Variants in FGF13 observed in about 807,000 individuals in gnomAD.
The protein encoded by FGF13 is fibroblast growth factor 13.
In FGF13, 2 loss-of-function variants were observed where a neutral mutation model predicts 19.5. The ratio of observed to expected loss-of-function variants is 0.10; its 90% CI spans 0.04 to 0.32. The LOEUF is 0.32. Among genes scored for constraint, FGF13 ranks in the 10% least tolerant of loss-of-function variants. FGF13 has a pLI of 1.00. For missense variants in FGF13, 113 were observed against 192.7 expected (o/e 0.59, Z 2.45); for synonymous variants, 72 against 76.9 (o/e 0.94, Z 0.33).
intron 1 of FGF13, among the ~76,000 whole-genome samples, chrX:139,136,055 T>A (rs1015619844): frequency 8.9e-6 from 1 of 111,956 alleles, no homozygotes; most frequent in African/African-American, 3.2e-5. Context: ...ATTTAACAAG[T>A]GTTAACTCTT....
intron 1 of FGF13, among the ~76,000 whole-genome samples, chrX:138,865,484 C>G (rs1178117303): frequency 3.1e-5 from 3 of 97,063 alleles, no homozygotes; most frequent in Non-Finnish European, 6.3e-5. Context: ...CTCTCTCTCT[C>G]TCCTCTCTCT....
intron 1 of FGF13, among the ~76,000 whole-genome samples, chrX:138,992,519 T>C (rs2092021213): frequency 9.0e-6 from 1 of 111,111 alleles, no homozygotes; most frequent in African/African-American, 3.3e-5. Context: ...GAGTTCATTA[T>C]TTTATATAGC....
intron 1 of FGF13, among the ~76,000 whole-genome samples, chrX:139,075,805 T>A (rs1055688618): frequency 1.9e-5 from 2 of 104,841 alleles, no homozygotes; most frequent in Non-Finnish European, 3.9e-5. Context: ...GCAAATTGTG[T>A]GTATGTGTGT....
At chrX:138,908,511 T>A (rs924451050) in intron 1 of FGF13, among the ~76,000 whole-genome samples, 1 of 110,346 alleles carries the variant, frequency 9.1e-6, no homozygotes, top group African/African-American at 3.3e-5. Flanking sequence ...CCAGGTACAG[T>A]CCCTTTTGAG....
At chrX:138,960,655 G>A (rs760424042) in intron 1 of FGF13, among the ~76,000 whole-genome samples, 14 of 111,778 alleles carry the variant, frequency 1.3e-4, no homozygotes, top group African/African-American at 3.9e-4. Flanking sequence ...CCAATCAAAC[G>A]TAGATTTGGT....
At chrX:139,059,577 G>A (rs1450378699) in intron 1 of FGF13, among the ~76,000 whole-genome samples, 1 of 111,550 alleles carries the variant, frequency 9.0e-6, no homozygotes, top group Admixed American at 9.5e-5. Context: ...TCGGTTTTGT[G>A]GGGCCCAATA....
At chrX:138,962,638 A>T (rs2091877535) in intron 1 of FGF13, among the ~76,000 whole-genome samples, 1 of 112,489 alleles carries the variant, frequency 8.9e-6, no homozygotes, top group Non-Finnish European at 1.9e-5. Context: ...AATGTGGCAC[A>T]TATACACCAA....
At chrX:138,817,889 C>A (rs1474040524) in intron 3 of FGF13, among the ~76,000 whole-genome samples, 3 of 111,855 alleles carry the variant, frequency 2.7e-5, no homozygotes, top group Non-Finnish European at 5.6e-5. Context: ...TGCAACTGCT[C>A]AATTCTGTTG....
At chrX:138,996,573 A>G (rs1030984958) in intron 1 of FGF13, among the ~76,000 whole-genome samples, 1 of 112,688 alleles carries the variant, frequency 8.9e-6, no homozygotes, top group African/African-American at 3.2e-5. Context: ...GCTGCTGGGA[A>G]GTTCAAACTG....
chrX:138,883,516 G>A (rs1272215473), intron 1 of FGF13, among the ~76,000 whole-genome samples: 2 of 111,511 alleles, frequency 1.8e-5, no homozygotes, highest in Non-Finnish European at 3.8e-5. Context: ...ACCACGAAGC[G>A]GAGGTATAGA....
chrX:138,988,121 T>C (rs2092000952), intron 1 of FGF13, among the ~76,000 whole-genome samples: 1 of 111,410 alleles, frequency 9.0e-6, no homozygotes. Flanking sequence ...GTGGACTCTT[T>C]TACATCTACA....
At chrX:138,650,810 A>C (rs1221175321) in intron 3 of FGF13, among the ~76,000 whole-genome samples, 5 of 111,760 alleles carry the variant, frequency 4.5e-5, no homozygotes, top group Non-Finnish European at 9.4e-5. Flanking sequence ...AATAAATTAT[A>C]GTTAACCATA....
rs182938904 is a variant in FGF13 at position 138,627,675 on chromosome X, A to T, written c.*5175T>A. The T allele has an allele frequency of 9.2e-6, 1 of 108,461 alleles. No homozygotes were observed. Among genetic ancestry groups the T allele is most frequent in the Non-Finnish European group, 1.9e-5 (1 of 52,449 alleles). 8.9% of individuals were successfully genotyped at this position (108,461 alleles called of 1,213,427 possible). On this transcript the variant is annotated 3_prime_UTR_variant, in exon 5 of 5. Transcript: ENST00000315930. ...TGAAGTGTTTGTACAAAAGAGAAAT[A>T]GGCAGTGTTTGTAACAAAAACTAAT...
At chrX:138,915,592 G>T (rs1271957846) in intron 1 of FGF13, among the ~76,000 whole-genome samples, 1 of 111,669 alleles carries the variant, frequency 9.0e-6, no homozygotes, top group Non-Finnish European at 1.9e-5. Context: ...GCTTCAACAG[G>T]TATTTGTGTC....
At chrX:138,854,588 G>T (rs979459925), downstream of FGF13, among the ~76,000 whole-genome samples, 3 of 111,895 alleles carry the variant, frequency 2.7e-5, no homozygotes, top group African/African-American at 9.7e-5. Flanking sequence ...AATTAAAAAA[G>T]AGTTGGGTAA....
intron 3 of FGF13, among the ~76,000 whole-genome samples, chrX:138,827,715 A>G (rs2091043520): frequency 2.7e-5 from 3 of 111,981 alleles, no homozygotes; most frequent in Admixed American, 1.9e-4. Context: ...TTACATGTCA[A>G]TGACTGTATA....
At chrX:138,986,276 T>C (rs1484262170) in intron 1 of FGF13, among the ~76,000 whole-genome samples, 1 of 112,255 alleles carries the variant, frequency 8.9e-6, no homozygotes, top group Non-Finnish European at 1.9e-5. Flanking sequence ...TCCATCTCCA[T>C]GTCTGATCAT....
chrX:138,628,872 T>C lies in FGF13; in HGVS notation c.*3978A>G, dbSNP rs1187140072. On this transcript the variant is annotated 3_prime_UTR_variant, in exon 5 of 5. Transcript: ENST00000315930. ...TAAGGATTCCATGGCAATGAGCATG[T>C]CCTCTCTTTGGATACAAACAAAACT... is the stretch of plus-strand genomic sequence containing the variant. 2 of 112,051 alleles carry C rather than the reference T, an allele frequency of 1.8e-5. No individual in the cohort carries two copies. The highest frequency in any genetic ancestry group is 6.5e-5 in the African/African-American group (2 of 30,810). 9.2% of individuals were successfully genotyped at this position (112,051 alleles called of 1,213,427 possible). A position where few individuals can be genotyped will look rare whatever the true frequency, so the allele number is the denominator to read the frequency against.
chrX:138,893,712 T>G (rs1164588056), intron 1 of FGF13, among the ~76,000 whole-genome samples: 1 of 111,757 alleles, frequency 8.9e-6, no homozygotes, highest in Non-Finnish European at 1.9e-5. Context: ...GTGGATAACG[T>G]GAAATAAGTC....
Sources: gnomAD v4.1 joint callset for allele counts (sites outside exome capture counted in the v4.1 genomes callset) on GRCh38, gnomAD v4.1.1 for gene constraint, MANE v1.5 for transcripts, NCBI Gene and HGNC (gene_info 2026-07-23, HGNC 2026-07-21) for gene names.